The following GNAL variants were observed in gnomAD, a reference collection of about 807,000 sequenced individuals.
GNAL encodes the protein G protein subunit alpha L.
Under a neutral mutation model 55.1 loss-of-function variants are expected in GNAL, and 18 were observed. That is an observed-to-expected ratio of 0.33 (90% confidence interval 0.23 to 0.48). The LOEUF (loss-of-function observed/expected upper bound fraction) is 0.48. Ranked by LOEUF, GNAL falls within the 20% of genes least tolerant of loss-of-function variation. The pLI, the probability that GNAL is intolerant of heterozygous loss-of-function variation, is 0.99. For synonymous variants in GNAL, 253 were observed against 237.0 expected (o/e 1.07, Z -0.62); for missense variants, 412 against 614.1 (o/e 0.67, Z 3.48).
chr18:11,792,349 C>A (rs564442103), intron 4 of GNAL, among the ~76,000 whole-genome samples: 75 of 152,274 alleles, frequency 4.9e-4, no homozygotes, highest in African/African-American at 1.7e-3. Flanking sequence ...CCGCACCTGG[C>A]TAATTTTTGC....
At chr18:11,816,795 CAG>C (rs1355318626) in intron 4 of GNAL, among the ~76,000 whole-genome samples, 1 of 141,760 alleles carries the variant, frequency 7.1e-6, no homozygotes, top group Non-Finnish European at 1.5e-5. Context: ...ACCTGGGCGA[CAG>C]AGTGAGACGC....
chr18:11,823,914 A>C (rs938575976), intron 4 of GNAL, among the ~76,000 whole-genome samples: 1 of 152,212 alleles, frequency 6.6e-6, no homozygotes, highest in Non-Finnish European at 1.5e-5. Flanking sequence ...ATGAACTCAT[A>C]AGCCGTTCAT....
chr18:11,726,949 T>G (rs1027122707), intron 1 of GNAL, among the ~76,000 whole-genome samples: 1 of 152,076 alleles, frequency 6.6e-6, no homozygotes, highest in Admixed American at 6.5e-5. Flanking sequence ...TTTTTTTTCT[T>G]AAGGTTAGAA....
intron 4 of GNAL, among the ~76,000 whole-genome samples, chr18:11,809,409 C>T (rs1025019157): frequency 6.6e-6 from 1 of 152,084 alleles, no homozygotes; most frequent in Non-Finnish European, 1.5e-5. Context: ...TCTAGAGAGA[C>T]CATTGAATTC....
intron 4 of GNAL, among the ~76,000 whole-genome samples, chr18:11,798,327 G>A (rs948584230): frequency 3.3e-5 from 5 of 152,180 alleles, no homozygotes; most frequent in Non-Finnish European, 7.3e-5. Context: ...TCTTGGGTTA[G>A]TGTTACATTC....
intron 10 of GNAL, among the ~76,000 whole-genome samples, chr18:11,875,998 A>G (rs771557889): frequency 6.6e-6 from 1 of 152,202 alleles, no homozygotes; most frequent in Non-Finnish European, 1.5e-5. Flanking sequence ...AATCCCATCC[A>G]TGAAGGCGGA....
chr18:11,706,508 C>T (rs968346584), intron 1 of GNAL, among the ~76,000 whole-genome samples: 2 of 152,144 alleles, frequency 1.3e-5, no homozygotes, highest in African/African-American at 4.8e-5. Flanking sequence ...AAGTTGATCA[C>T]ATCGGTTAAC....
intron 1 of GNAL, among the ~76,000 whole-genome samples, chr18:11,692,207 G>C (rs1164094913): frequency 6.6e-6 from 1 of 152,184 alleles, no homozygotes; most frequent in Non-Finnish European, 1.5e-5. Flanking sequence ...ATAAATGAAT[G>C]CAACTTTCAT....
At chr18:11,690,823 T>A (rs2143273666) in intron 1 of GNAL, among the ~76,000 whole-genome samples, 1 of 151,854 alleles carries the variant, frequency 6.6e-6, no homozygotes, top group East Asian at 1.9e-4. Context: ...TATTCCATGG[T>A]GTATATGTGC....
At chr18:11,831,012 A>AG (rs2035370848) in intron 5 of GNAL, among the ~76,000 whole-genome samples, 1 of 152,150 alleles carries the variant, frequency 6.6e-6, no homozygotes. Flanking sequence ...TGGATGATGG[A>AG]GGGTTTCTCT....
At chr18:11,772,162 G>A (rs1229567679) in intron 4 of GNAL, among the ~76,000 whole-genome samples, 4 of 152,044 alleles carry the variant, frequency 2.6e-5, no homozygotes, top group Non-Finnish European at 5.9e-5. Flanking sequence ...AAATTTTATG[G>A]TATGAATACA....
intron 4 of GNAL, among the ~76,000 whole-genome samples, chr18:11,811,689 G>A (rs1233965681): frequency 1.3e-5 from 2 of 152,178 alleles, no homozygotes; most frequent in Non-Finnish European, 2.9e-5. Flanking sequence ...CAAGAATATA[G>A]CAAGCCCACC....
At chr18:11,745,903 C>A in intron 1 of GNAL, 1 of 198,138 alleles carries the variant, frequency 5.0e-6, no homozygotes. Context: ...GTCATCTTTA[C>A]GACAAAAGAG....
At chr18:11,843,803 A>G (rs368677533) in intron 5 of GNAL, among the ~76,000 whole-genome samples, 34 of 150,726 alleles carry the variant, frequency 2.3e-4, no homozygotes, top group African/African-American at 5.8e-4. Context: ...GATAAACCCC[A>G]TCTCTACTAA....
chr18:11,765,487 G>T (rs2033375852), intron 4 of GNAL, among the ~76,000 whole-genome samples: 1 of 152,040 alleles, frequency 6.6e-6, no homozygotes, highest in Admixed American at 6.6e-5. Context: ...TTGCCCCATG[G>T]TGCTCCTCAA....
chr18:11,807,890 G>A (rs73946348), intron 4 of GNAL, among the ~76,000 whole-genome samples: 16,025 of 152,050 alleles, frequency 0.11, 979 homozygotes, highest in African/African-American at 0.16. Context: ...TCACGGGGAG[G>A]GTGTAGTCAG....
At chr18:11,706,580 G>A (rs542875041) in intron 1 of GNAL, among the ~76,000 whole-genome samples, 5 of 152,254 alleles carry the variant, frequency 3.3e-5, no homozygotes, top group East Asian at 1.9e-4. Context: ...TCTACTCATC[G>A]TAGAACTTTC....
At chr18:11,794,757 G>GT (rs200968320) in intron 4 of GNAL, among the ~76,000 whole-genome samples, 1,778 of 121,010 alleles carry the variant, frequency 0.015, 44 homozygotes, top group African/African-American at 0.057. Context: ...AAACACACAG[G>GT]TTAAAAAAAA....
At chr18:11,693,957 A>G (rs8085488) in intron 1 of GNAL, among the ~76,000 whole-genome samples, 53,268 of 150,866 alleles carry the variant, frequency 0.35, 12,990 homozygotes, top group African/African-American at 0.7. Flanking sequence ...AGCTCAAGCA[A>G]TCTTCCTGCC....
Sources: gnomAD v4.1 joint callset for allele counts (sites outside exome capture counted in the v4.1 genomes callset) on GRCh38, gnomAD v4.1.1 for gene constraint, MANE v1.5 for transcripts, NCBI Gene and HGNC (gene_info 2026-07-23, HGNC 2026-07-21) for gene names.